DNAH1: variants seen among roughly 807,000 people sequenced by gnomAD.
DNAH1 encodes dynein axonemal heavy chain 1, also known as axonemal beta dynein heavy chain 1.
DNAH1 carries 327 observed loss-of-function variants against 484.3 expected under a neutral mutation model. That is an observed-to-expected ratio of 0.68 (90% confidence interval 0.62 to 0.74). DNAH1 has a LOEUF of 0.74. DNAH1 is among the 30% of genes least tolerant of loss of function. The pLI is 0.00. For synonymous variants in DNAH1, 2,192 were observed against 2,191.9 expected (o/e 1.00, Z 0.00); for missense variants, 5,052 against 5,546.8 (o/e 0.91, Z 2.83).
chr3:52,365,095 C>A (rs1387445507), intron 34 of DNAH1, 76 bp downstream of exon 34: 1 of 1,525,882 alleles, frequency 6.6e-7, no homozygotes. Flanking sequence ...GGGACAGAGA[C>A]AGGACAGTCC....
At position 52,383,977 on chromosome 3, in the gene DNAH1, G is replaced by A; in HGVS notation, c.8268G>A (p.Val2756=). 2 of 1,611,282 alleles carry A rather than the reference G, an allele frequency of 1.2e-6. No individual in the cohort carries two copies. The highest frequency in any genetic ancestry group is 8.5e-7 in the Non-Finnish European group (1 of 1,178,646). Residue 2756 remains valine (V), a synonymous_variant, in exon 52 of 78, where the codon GTG becomes GTA. Transcript: ENST00000420323. ...AAGCCCTGAAGTCTGTGGCCACCGT[G>A]TTCCTCAATGAGATCCCAGAACTGG... ...PAEALKSVAT[V]FLNEIPELES...
intron 64 of DNAH1, 31 bp from the exon 65 acceptor site, chr3:52,392,799 T>TGTGGGGGGGGGGGGGGGGGGGGGGGGGGG: frequency 7.8e-7 from 1 of 1,274,374 alleles, no homozygotes; most frequent in Non-Finnish European, 1.1e-6. Flanking sequence ...TTCTGCTCTT[T>TGTGGGGGGGGGGGGGGGGGGGGGGGGGGG]GACCCCTCCC....
At chr3:52,350,417 C>T (rs1325655527) in intron 15 of DNAH1, 91 bp from the exon 16 acceptor site, 1 of 1,271,286 alleles carries the variant, frequency 7.9e-7, no homozygotes, top group Non-Finnish European at 1.1e-6. Context: ...AGAGCAGCCC[C>T]TCTCTAGTAC....
At chr3:52,359,483 G>T in intron 26 of DNAH1, 97 bp downstream of exon 26, 1 of 1,483,412 alleles carries the variant, frequency 6.7e-7, no homozygotes, top group Non-Finnish European at 9.1e-7. Context: ...AGTGAGCCTG[G>T]AAGAGGCCTG....
chr3:52,326,343 G>C, intron 4 of DNAH1, 29 bp downstream of exon 4: 1 of 1,586,990 alleles, frequency 6.3e-7, no homozygotes, highest in Non-Finnish European at 8.5e-7. Flanking sequence ...TGGGGAGACT[G>C]TCGGGGAGGT....
intron 63 of DNAH1, among the ~76,000 whole-genome samples, chr3:52,391,914 G>A (rs1704407953): frequency 6.6e-6 from 1 of 152,110 alleles, no homozygotes; most frequent in African/African-American, 2.4e-5. Flanking sequence ...CCCTCGCCAG[G>A]CCCTGTGCCC....
At chr3:52,329,638 C>T (rs887028880) in intron 6 of DNAH1, among the ~76,000 whole-genome samples, 8 of 152,082 alleles carry the variant, frequency 5.3e-5, no homozygotes, top group African/African-American at 1.9e-4. Flanking sequence ...CCAGCCTGAA[C>T]AACAGATGAA....
At position 52,362,242 on chromosome 3, in the gene DNAH1, G is replaced by T. The variant is rs1702894134; in HGVS notation, c.4981-146G>T. 1 of 673,514 alleles carries T rather than the reference G, an allele frequency of 1.5e-6. No individual in the cohort carries two copies. The highest frequency in any genetic ancestry group is 2.6e-6 in the Non-Finnish European group (1 of 389,992). 41.7% of individuals were successfully genotyped at this position (673,514 alleles called of 1,614,324 possible). On this transcript the variant is annotated intron_variant, in intron 30 of 77. Transcript: ENST00000420323. This position sits in a 1 kb window ranked among gnomAD's most constrained non-coding sequence, Gnocchi z 5.1. ...AGGTTTCAGGCCAGATCCTGAGAGA[G>T]GATACAACCCATGATCAGGGGTCCA...
intron 64 of DNAH1, 27 bp downstream of exon 64, chr3:52,392,716 G>GC: frequency 6.6e-7 from 1 of 1,522,584 alleles, no homozygotes; most frequent in Non-Finnish European, 8.8e-7. Flanking sequence ...CCACCCACCT[G>GC]CCCCGGGAGT....
At position 52,392,476 on chromosome 3, in the gene DNAH1, C is replaced by T. The variant is rs1578200377; in HGVS notation, c.10065C>T (p.Asp3355=). ...NFTLSPSGLE[D]QLLGQVVAEE... is the part of the protein sequence containing the mutation. Reference sequence around the variant, plus strand: ...CTGCCCCCGGCAGTGGCCTAGAGGACCAGCTACTGGGCCAGGTAGTGGCAG... The same window carrying T: ...CTGCCCCCGGCAGTGGCCTAGAGGATCAGCTACTGGGCCAGGTAGTGGCAG... The change falls in exon 64 of 78, where the codon GAC becomes GAT. Residue 3355 remains aspartate (D), a synonymous_variant. Coordinates refer to ENST00000420323, the MANE Select transcript of DNAH1 (RefSeq NM_015512.5). 3 of 1,613,618 alleles carry T rather than the reference C, an allele frequency of 1.9e-6. No homozygotes were observed. Among genetic ancestry groups the T allele is most frequent in the Non-Finnish European group, 2.5e-6 (3 of 1,179,876 alleles).
intron 51 of DNAH1, 62 bp from the exon 52 acceptor site, chr3:52,383,798 C>A: frequency 6.6e-7 from 1 of 1,514,474 alleles, no homozygotes; most frequent in Non-Finnish European, 8.9e-7. Context: ...GGCCCTGGGT[C>A]CTGGGCTCCT....
chr3:52,332,760 A>G (rs1021614794), intron 8 of DNAH1, among the ~76,000 whole-genome samples: 9 of 152,230 alleles, frequency 5.9e-5, no homozygotes, highest in Admixed American at 2.6e-4. Flanking sequence ...ATTTATTAGC[A>G]AGATGCCCCT....
In DNAH1 at chr3:52,399,215, C is replaced by T. The variant is rs201618429; in HGVS notation, c.12441+14C>T. The T allele has an allele frequency of 1.1e-4, 177 of 1,590,288 alleles. 1 individual carries two copies. The East Asian group carries it at 3.9e-3, about 35-fold the overall frequency. ...TTTGATTTCAAGGTCTGGGCACAGC[C>T]AGGGCCAGGTCAGGTGACAGGCTAG... On this transcript the variant is annotated intron_variant, in intron 76 of 77. Transcript: ENST00000420323.
rs1702694636 is a variant in DNAH1 at position 52,358,091 on chromosome 3, G to T, written c.4086+88G>T. Reference sequence around the variant, plus strand: ...CCTCCCTTTGTGATGAGCCCTTTTAGCAGGAAATGTGGCAAATGACATTCC... The same window carrying T: ...CCTCCCTTTGTGATGAGCCCTTTTATCAGGAAATGTGGCAAATGACATTCC... On this transcript the variant is annotated intron_variant, in intron 24 of 77. Transcript: ENST00000420323. This position sits in a 1 kb window ranked among gnomAD's most constrained non-coding sequence, Gnocchi z 4.2. The T allele has an allele frequency of 1.9e-6, 2 of 1,054,506 alleles. No individual in the cohort carries two copies. The highest frequency in any genetic ancestry group is 2.8e-5 in the Admixed American group (1 of 35,394). 65.3% of individuals were successfully genotyped at this position (1,054,506 alleles called of 1,614,324 possible).
intron 55 of DNAH1, 77 bp downstream of exon 55, chr3:52,386,422 G>A: frequency 6.8e-7 from 1 of 1,464,054 alleles, no homozygotes; most frequent in Non-Finnish European, 9.1e-7. Context: ...CATCCCCTGG[G>A]ACCCAGCAGC....
chr3:52,334,569 G>C (rs1701669507), intron 8 of DNAH1, among the ~76,000 whole-genome samples: 1 of 152,088 alleles, frequency 6.6e-6, no homozygotes. Context: ...TGGGTGGATT[G>C]ATTGAGGCCA....
rs985406243 is a variant in DNAH1, at chr3:52,358,576, C to A, written c.4105C>A (p.Leu1369Met). ...CTTGCAGCTGCTATTCCAGGAGGAC[C>A]TGGAGATCACGCACATGTACTCAGC... ...NIARLLFQED[L>M]EITHMYSAEG... Residue 1369 changes from leucine to methionine, a missense_variant, in exon 25 of 78, where the codon CTG (leucine) becomes ATG (methionine). By Grantham distance (15) the Leu-to-Met change is conservative. Transcript: ENST00000420323. This position sits in a 1 kb window ranked among gnomAD's most constrained non-coding sequence, Gnocchi z 4.2. The A allele has an allele frequency of 2.5e-6, 4 of 1,610,698 alleles. No individual in the cohort carries two copies. The African/African-American group carries it at 5.3e-5, about 22-fold the overall frequency.
chr3:52,377,580 C>T (rs903506480), intron 46 of DNAH1, among the ~76,000 whole-genome samples: 2 of 152,114 alleles, frequency 1.3e-5, no homozygotes, highest in Non-Finnish European at 1.5e-5. Flanking sequence ...CAAAGCCATC[C>T]TCAGTTCGCC....
rs376123460 is a variant in DNAH1, at chr3:52,326,318, C to T, written c.581+4C>T. On this transcript the variant is annotated splice_donor_region_variant and intron_variant, in intron 4 of 77. Transcript: ENST00000420323. ...CTCGCAAGATTGAGATCGAGAGGTA[C>T]GGCTGGGTGGGCTGTGGGGAGACTG... 169 of 1,602,340 alleles carry T rather than the reference C, an allele frequency of 1.1e-4. No individual in the cohort carries two copies. The highest frequency in any genetic ancestry group is 1.3e-4 in the African/African-American group (10 of 74,878).
Sources: gnomAD v4.1 joint callset for allele counts (sites outside exome capture counted in the v4.1 genomes callset) on GRCh38, gnomAD v4.1.1 for gene constraint, Gnocchi (gnomAD v3.1) non-coding constraint, MANE v1.5 for transcripts, NCBI Gene and HGNC (gene_info 2026-07-23, HGNC 2026-07-21) for gene names.